The following ADAM17 variants were observed in gnomAD, a reference collection of about 807,000 sequenced individuals.
ADAM17 encodes the protein ADAM metallopeptidase domain 17, also known as disintegrin and metalloproteinase domain-containing protein 17.
A neutral mutation model predicts 96.7 loss-of-function variants in ADAM17; 39 were observed. That is an observed-to-expected ratio of 0.40 (90% CI 0.31 to 0.53). The LOEUF is 0.53. Ranked by LOEUF, ADAM17 falls within the 20% of genes least tolerant of loss-of-function variation. The probability of loss-of-function intolerance (pLI) is 0.44; values close to 1 mark genes in which losing one functional copy is unlikely to be tolerated. For missense variants in ADAM17, 777 were observed against 1,013.2 expected, an observed-to-expected ratio of 0.77 and a Z score of 3.17; for synonymous variants, 344 against 359.2, an observed-to-expected ratio of 0.96 and a Z score of 0.48.
At chr2:9,523,127 T>G in intron 7 of ADAM17, 122 bp downstream of exon 7, 1 of 661,590 alleles carries the variant, frequency 1.5e-6, no homozygotes, top group Non-Finnish European at 2.5e-6. Flanking sequence ...AAAAAATCAT[T>G]GGCATCTGAG....
At chr2:9,522,359 G>A in intron 7 of ADAM17, 1 of 542,544 alleles carries the variant, frequency 1.8e-6, no homozygotes. Context: ...GAAAGGAACT[G>A]GTTTGACAAT....
intron 16 of ADAM17, 145 bp from the exon 17 acceptor site, chr2:9,493,131 A>C (rs1662297330): frequency 3.2e-6 from 2 of 632,112 alleles, no homozygotes; most frequent in South Asian, 4.4e-5. Flanking sequence ...TGCTGCCTGT[A>C]TTACACCACA....
chr2:9,537,790 C>A (rs1218662888), intron 2 of ADAM17, among the ~76,000 whole-genome samples: 1 of 150,440 alleles, frequency 6.6e-6, no homozygotes, highest in Non-Finnish European at 1.5e-5. Context: ...AAAAAAGTAA[C>A]CCACAATTAC....
chr2:9,492,539 G>A (rs1426837067), intron 17 of ADAM17, among the ~76,000 whole-genome samples: 3 of 152,140 alleles, frequency 2.0e-5, no homozygotes, highest in African/African-American at 4.8e-5. Flanking sequence ...CTGAAATGCC[G>A]ATGTTTGATA....
intron 8 of ADAM17, among the ~76,000 whole-genome samples, chr2:9,520,964 CAAAAAA>C (rs55909096): frequency 0.045 from 1,195 of 26,284 alleles, 220 homozygotes; most frequent in Non-Finnish European, 0.08. Flanking sequence ...AACTCTGTCT[CAAAAAA>C]AAAAAAAAAA....
chr2:9,492,097 A>G (rs1048621890), intron 17 of ADAM17, among the ~76,000 whole-genome samples: 4 of 152,184 alleles, frequency 2.6e-5, no homozygotes, highest in African/African-American at 4.8e-5. Context: ...GCCAGCAGGA[A>G]AGGAAAGGAA....
intron 4 of ADAM17, among the ~76,000 whole-genome samples, chr2:9,531,846 C>T (rs181519349): frequency 2.2e-4 from 33 of 152,196 alleles, no homozygotes; most frequent in African/African-American, 6.7e-4. Context: ...ACCTGTAATC[C>T]CAGCACTTTG....
chr2:9,494,492 CTAAG>C (rs1558493881), intron 15 of ADAM17, 141 bp downstream of exon 15: 1 of 930,778 alleles, frequency 1.1e-6, no homozygotes, highest in Non-Finnish European at 1.6e-6. Context: ...TCTTCTCCTC[CTAAG>C]TAATACCCGT....
chr2:9,540,358 G>C (rs892214492), intron 2 of ADAM17, among the ~76,000 whole-genome samples: 8 of 151,758 alleles, frequency 5.3e-5, no homozygotes, highest in Admixed American at 2.6e-4. Flanking sequence ...AGTAATCTTG[G>C]GCAAGTTACT....
At chr2:9,543,341 T>C in intron 1 of ADAM17, 56 bp from the exon 2 acceptor site, 1 of 1,410,470 alleles carries the variant, frequency 7.1e-7, no homozygotes, top group Admixed American at 2.5e-5. Context: ...AATTGTAGTA[T>C]CGTTAAAATG....
intron 18 of ADAM17, 58 bp from the exon 19 acceptor site, chr2:9,490,576 A>T: frequency 6.7e-7 from 1 of 1,493,674 alleles, no homozygotes; most frequent in Non-Finnish European, 9.0e-7. Flanking sequence ...GGAGGTCCTC[A>T]CAGCTCCACC....
In ADAM17 at chr2:9,543,259, A is replaced by G; in HGVS notation, c.124T>C (p.Tyr42His). 1.2e-6 allele frequency: 2 copies of G among 1,603,290 alleles called. No homozygotes were observed. The highest frequency in any genetic ancestry group is 1.7e-6 in the Non-Finnish European group (2 of 1,176,278). ...LEKLDSLLSDYDILSLSNIQQ... is the reference protein window; with the variant it reads ...LEKLDSLLSDHDILSLSNIQQ... ...ATATTAGATAAAGAGAGAATATCGT[A>G]GTCTGAGAGCAAAGAATCAAGCTTC... The change falls in exon 2 of 19, where the codon TAC becomes CAC. Residue 42 changes from tyrosine to histidine, a missense_variant. Coordinates refer to ENST00000310823, the MANE Select transcript of ADAM17 (RefSeq NM_003183.6).
At chr2:9,545,969 G>A (rs921116919) in intron 1 of ADAM17, among the ~76,000 whole-genome samples, 3 of 151,832 alleles carry the variant, frequency 2.0e-5, no homozygotes, top group African/African-American at 7.3e-5. Context: ...ATGGTGGCAT[G>A]TGCTTGTAGT....
At position 9,489,863 on chromosome 2, in the gene ADAM17, G is replaced by C. The variant is rs1399219055; in HGVS notation, c.*314C>G. On this transcript the variant is annotated 3_prime_UTR_variant, in exon 19 of 19. Coordinates refer to ENST00000310823, the MANE Select transcript of ADAM17 (RefSeq NM_003183.6). ...AGTCAGTGCTGTTATCAATATAAAA[G>C]ATTAATTTACAAAAACGTAAATATT... 1 of 226,856 alleles carries C rather than the reference G, an allele frequency of 4.4e-6. No individual in the cohort carries two copies. Among genetic ancestry groups the C allele is most frequent in the Non-Finnish European group, 8.7e-6 (1 of 114,600 alleles). The allele number at this position is 226,856 out of a possible 1,614,324, so 14.1% of individuals were successfully genotyped here. A position where few individuals can be genotyped will look rare whatever the true frequency, so the allele number is the denominator to read the frequency against.
chr2:9,527,798 C>T lies in ADAM17; in HGVS notation c.607G>A (p.Glu203Lys). Residue 203 changes from glutamate to lysine, a missense_variant, in exon 5 of 19, where the codon GAA (glutamate) becomes AAA (lysine). Glu to Lys is a moderately conservative substitution (Grantham distance 56, BLOSUM62 1). Coordinates refer to ENST00000310823, the MANE Select transcript of ADAM17 (RefSeq NM_003183.6). ...CTTTAAGTCTTACCTTCAGGTGGTT[C>T]TCTGTCTACTAACCCTTTTGGGAGC... ...ELLPKGLVDR[E>K]PPEELVHRVK... The T allele has an allele frequency of 1.3e-6, 2 of 1,577,462 alleles. No individual in the cohort carries two copies. Among genetic ancestry groups the T allele is most frequent in the South Asian group, 1.2e-5 (1 of 82,678 alleles).
chr2:9,510,161 T>G (rs754894750), intron 10 of ADAM17, 30 bp from the exon 11 acceptor site: 2 of 1,612,796 alleles, frequency 1.2e-6, no homozygotes, highest in Non-Finnish European at 1.7e-6. Context: ...AAACATTATT[T>G]CTCAATATCC....
At position 9,490,013 on chromosome 2, in the gene ADAM17, G is replaced by A. The variant is rs1341584476; in HGVS notation, c.*164C>T. On this transcript the variant is annotated 3_prime_UTR_variant, in exon 19 of 19. Coordinates refer to ENST00000310823, the MANE Select transcript of ADAM17 (RefSeq NM_003183.6). ...TCACCTTACCTTTTCAAAAGGAGAAGGGCCAAACCACACAAGAACTGTTTA... is the reference window on the plus strand; with the variant it reads ...TCACCTTACCTTTTCAAAAGGAGAAAGGCCAAACCACACAAGAACTGTTTA... The A allele has an allele frequency of 1.6e-6, 1 of 620,598 alleles. No individual in the cohort carries two copies. The highest frequency in any genetic ancestry group is 2.7e-6 in the Non-Finnish European group (1 of 375,496). The allele number at this position is 620,598 out of a possible 1,614,324, so 38.4% of individuals were successfully genotyped here. A position where few individuals can be genotyped will look rare whatever the true frequency, so the allele number is the denominator to read the frequency against.
chr2:9,528,254 CCACT>C (rs1212457768), intron 4 of ADAM17, among the ~76,000 whole-genome samples: 1 of 152,120 alleles, frequency 6.6e-6, no homozygotes, highest in Non-Finnish European at 1.5e-5. Flanking sequence ...ATATCATTTT[CCACT>C]CATTCATTCA....
At chr2:9,540,979 A>G (rs899606839) in intron 2 of ADAM17, among the ~76,000 whole-genome samples, 8 of 152,312 alleles carry the variant, frequency 5.3e-5, no homozygotes, top group South Asian at 4.1e-4. Flanking sequence ...GGAAAGAGCA[A>G]TATCAATAAA....
Sources: allele counts gnomAD v4.1 joint callset (sites outside exome capture counted in the v4.1 genomes callset), GRCh38; gene constraint gnomAD v4.1.1; transcripts MANE v1.5; gene names NCBI Gene and HGNC (gene_info 2026-07-23, HGNC 2026-07-21).